Variants in CRYM observed in about 807,000 individuals in gnomAD.
CRYM encodes the protein ketimine reductase mu-crystallin.
Under a neutral mutation model 32.9 loss-of-function variants are expected in CRYM, and 18 were observed. The observed-to-expected ratio is 0.55, with a 90% confidence interval of 0.38 to 0.81. The LOEUF is 0.81. Ranked by LOEUF, CRYM falls within the 30% of genes least tolerant of loss-of-function variation. CRYM has a pLI of 0.00. For missense variants in CRYM, 337 were observed against 393.5 expected, an observed-to-expected ratio of 0.86 and a Z score of 1.21; for synonymous variants, 153 against 152.4, an observed-to-expected ratio of 1.00 and a Z score of -0.03.
At chr16:21,274,719 C>T (rs1369065490) in intron 3 of CRYM, among the ~76,000 whole-genome samples, 1 of 152,108 alleles carries the variant, frequency 6.6e-6, no homozygotes, top group Non-Finnish European at 1.5e-5. Context: ...GTTTCTCCTG[C>T]CTCACTCTCC....
chr16:21,295,557 T>C (rs566552444), intron 1 of CRYM, among the ~76,000 whole-genome samples: 1 of 152,198 alleles, frequency 6.6e-6, no homozygotes, highest in Non-Finnish European at 1.5e-5. Flanking sequence ...TTTTGTATGT[T>C]GTGCTTTTCA....
At chr16:21,285,554 A>G (rs1444814027) in intron 1 of CRYM, among the ~76,000 whole-genome samples, 1 of 152,264 alleles carries the variant, frequency 6.6e-6, no homozygotes, top group Non-Finnish European at 1.5e-5. Flanking sequence ...ATAAAATTGT[A>G]AAGCTAATCT....
rs565362860 is a variant in CRYM, at chr16:21,261,573, G to T, written c.796-235C>A. 5.2e-6 allele frequency: 3 copies of T among 579,428 alleles called. No individual in the cohort carries two copies. In the Admixed American group the frequency reaches 9.0e-5, roughly 17 times the overall value. The allele number at this position is 579,428 out of a possible 1,614,324, so 35.9% of individuals were successfully genotyped here. On this transcript the variant is annotated intron_variant, in intron 6 of 7. Transcript: ENST00000572914. The stretch of plus-strand genomic sequence containing the variant: ...ACCATAAACACAGAGATTCGAGTTG[G>T]TGCTCAGGGAGCTGTCCTGCCAAGA...
Position 21,293,106 on chromosome 16 carries a change from G to A in CRYM, c.-193+9872C>T, listed in dbSNP as rs368465724. 3.0e-4 allele frequency among the ~76,000 whole-genome samples: 45 copies of A among 152,308 alleles called. No individual in the cohort carries two copies. The East Asian group carries it at 3.3e-3, about 11-fold the overall frequency. On this transcript the variant is annotated intron_variant, in intron 1 of 9. Transcript: ENST00000219599. ...TAGATTCATACATGTATAGTCAGTT[G>A]ATTTCAGATGAGGTGCCAAAGTAAT...
rs545672036 is a variant in CRYM at position 21,270,490 on chromosome 16, G to T, written c.388-599C>A. Reference sequence around the variant, plus strand: ...ATAGAGATGGGGTTTCACCATGTTGGCCAGGCTGGTCTCAAACTCCTGACC... The same window carrying T: ...ATAGAGATGGGGTTTCACCATGTTGTCCAGGCTGGTCTCAAACTCCTGACC... On this transcript the variant is annotated intron_variant, in intron 3 of 7. Transcript: ENST00000572914. Among the ~76,000 whole-genome samples the T allele has an allele frequency of 3.9e-5, 6 of 152,148 alleles. No homozygotes were observed. In the South Asian group the frequency reaches 1.2e-3, roughly 32 times the overall value.
chr16:21,268,139 C>A (rs2093367887), intron 4 of CRYM, among the ~76,000 whole-genome samples: 1 of 152,180 alleles, frequency 6.6e-6, no homozygotes, highest in African/African-American at 2.4e-5. Context: ...TGTCATTCAG[C>A]CTTAGTTTCC....
intron 1 of CRYM, chr16:21,283,953 G>GCGA (rs1221155897): frequency 2.6e-5 from 4 of 152,860 alleles, no homozygotes; most frequent in African/African-American, 9.7e-5. Flanking sequence ...GGAGGCGGCG[G>GCGA]CGAGGCTTGA....
intron 1 of CRYM, among the ~76,000 whole-genome samples, chr16:21,293,981 A>G (rs1294472516): frequency 6.6e-6 from 1 of 152,240 alleles, no homozygotes; most frequent in Non-Finnish European, 1.5e-5. Context: ...ATAGTAACTA[A>G]GTATCAATAT....
At chr16:21,267,442 T>TTTA in intron 5 of CRYM, 112 bp downstream of exon 5, 1 of 1,146,762 alleles carries the variant, frequency 8.7e-7, no homozygotes, top group Non-Finnish European at 1.3e-6. Flanking sequence ...GGCCCTTAAA[T>TTTA]AGCTTGGGCA....
chr16:21,261,476 T>G, intron 6 of CRYM, 138 bp from the exon 7 acceptor site: 3 of 693,774 alleles, frequency 4.3e-6, no homozygotes, highest in Non-Finnish European at 7.6e-6. Context: ...AGAGAGATCC[T>G]TTGTACACTG....
At chr16:21,260,450 C>T (rs1003100239) in intron 7 of CRYM, among the ~76,000 whole-genome samples, 13 of 152,152 alleles carry the variant, frequency 8.5e-5, no homozygotes, top group African/African-American at 3.1e-4. Flanking sequence ...CAGATGTGCA[C>T]CACCACGCCT....
At chr16:21,283,497 G>A (rs1424291961) in intron 1 of CRYM, 2 of 151,960 alleles carry the variant, frequency 1.3e-5, no homozygotes, top group Non-Finnish European at 2.9e-5. Context: ...TGACTATTGA[G>A]TTGGCTTCAC....
intron 5 of CRYM, among the ~76,000 whole-genome samples, chr16:21,266,448 C>T (rs1310573653): frequency 6.6e-6 from 1 of 152,076 alleles, no homozygotes; most frequent in Non-Finnish European, 1.5e-5. Context: ...TAGATGTAGA[C>T]CAGCTCTTGC....
chr16:21,297,091 T>G (rs774587904), intron 1 of CRYM, among the ~76,000 whole-genome samples: 7 of 150,394 alleles, frequency 4.7e-5, no homozygotes, highest in Non-Finnish European at 7.4e-5. Flanking sequence ...GAAGTGACCT[T>G]CAAGATTAAA....
intron 7 of CRYM, among the ~76,000 whole-genome samples, chr16:21,260,813 T>C (rs1479783663): frequency 6.6e-6 from 1 of 152,196 alleles, no homozygotes; most frequent in African/African-American, 2.4e-5. Context: ...GGCTATACTT[T>C]CCATCTGACT....
At chr16:21,276,321 CT>C (rs1232685645) in intron 2 of CRYM, among the ~76,000 whole-genome samples, 1 of 152,056 alleles carries the variant, frequency 6.6e-6, no homozygotes, top group Non-Finnish European at 1.5e-5. Flanking sequence ...TTCTACCCCC[CT>C]AGGGAACCGC....
intron 4 of CRYM, 73 bp from the exon 5 acceptor site, chr16:21,267,810 C>T (rs1426991230): frequency 9.3e-6 from 14 of 1,498,746 alleles, no homozygotes; most frequent in South Asian, 4.5e-5. Flanking sequence ...CCCAGGGATG[C>T]GGAGGGAAAG....
At chr16:21,267,465 A>G in intron 5 of CRYM, 89 bp downstream of exon 5, 1 of 1,364,144 alleles carries the variant, frequency 7.3e-7, no homozygotes, top group Non-Finnish European at 1.0e-6. Flanking sequence ...CTGCATGAAT[A>G]AACTGGCTCT....
intron 7 of CRYM, among the ~76,000 whole-genome samples, chr16:21,259,137 T>C (rs972729951): frequency 6.6e-6 from 1 of 151,988 alleles, no homozygotes. Context: ...CTCGCTCTGT[T>C]GCCCAGGCTG....
Sources: gnomAD v4.1 joint callset for allele counts (sites outside exome capture counted in the v4.1 genomes callset) on GRCh38, gnomAD v4.1.1 for gene constraint, MANE v1.5 for transcripts, NCBI Gene and HGNC (gene_info 2026-07-23, HGNC 2026-07-21) for gene names.